ENTREP2: variants seen among roughly 807,000 people sequenced by gnomAD.
ENTREP2 encodes the protein endosomal transmembrane epsin interactor 2, also known as protein ENTREP2.
At chr15:29,532,860 G>C in the ENTREP2 span, among the ~76,000 whole-genome samples, 3 of 152,132 alleles carry the variant, frequency 2.0e-5, no homozygotes, top group South Asian at 6.2e-4. Flanking sequence ...AAATTTCAAT[G>C]GCATTTCACA....
At chr15:29,158,895 A>C in the ENTREP2 span, among the ~76,000 whole-genome samples, 74,347 of 151,960 alleles carry the variant, frequency 0.49, 19,293 homozygotes, top group East Asian at 0.69. Context: ...GCAAAGCTAC[A>C]GTTGATAAAT....
At chr15:29,538,320 G>A in the ENTREP2 span, among the ~76,000 whole-genome samples, 1,776 of 152,246 alleles carry the variant, frequency 0.012, 30 homozygotes, top group African/African-American at 0.041. Context: ...CAGCAGGGCT[G>A]GAGTTTTGCC....
At chr15:29,320,133 G>T in the ENTREP2 span, among the ~76,000 whole-genome samples, 13 of 152,138 alleles carry the variant, frequency 8.5e-5, no homozygotes, top group Non-Finnish European at 1.9e-4. Flanking sequence ...AGAAACGCTT[G>T]TTAAGGTGAT....
chr15:29,224,067 C>G, the ENTREP2 span, among the ~76,000 whole-genome samples: 1 of 152,200 alleles, frequency 6.6e-6, no homozygotes, highest in South Asian at 2.1e-4. Flanking sequence ...TGTTACAGTT[C>G]TTAAAGACAC....
At chr15:29,438,726 A>G in the ENTREP2 span, among the ~76,000 whole-genome samples, 1 of 152,100 alleles carries the variant, frequency 6.6e-6, no homozygotes, top group Non-Finnish European at 1.5e-5. Flanking sequence ...CAATCTTCAG[A>G]TTGCTTTTAG....
chr15:29,489,815 C>A, the ENTREP2 span, among the ~76,000 whole-genome samples: 1 of 152,192 alleles, frequency 6.6e-6, no homozygotes, highest in Non-Finnish European at 1.5e-5. Flanking sequence ...CTCAGCTACA[C>A]AACCACAGGC....
chr15:29,249,410 T>C, the ENTREP2 span, among the ~76,000 whole-genome samples: 54 of 152,320 alleles, frequency 3.5e-4, no homozygotes, highest in Non-Finnish European at 6.3e-4. Context: ...AATATATATG[T>C]ATACATACAT....
chr15:29,185,283 G>A, the ENTREP2 span, among the ~76,000 whole-genome samples: 3 of 151,988 alleles, frequency 2.0e-5, no homozygotes, highest in Non-Finnish European at 4.4e-5. Context: ...AGTGCCTATC[G>A]GTTTCGGAAT....
the ENTREP2 span, among the ~76,000 whole-genome samples, chr15:29,600,914 T>TTTTTTTTTTTTTTG: frequency 6.9e-6 from 1 of 144,190 alleles, no homozygotes; most frequent in Admixed American, 7.0e-5. Context: ...TTTTTTTTTT[T>TTTTTTTTTTTTTTG]TGAGACAGAG....
chr15:29,174,688 T>TAAACA, the ENTREP2 span, among the ~76,000 whole-genome samples: 4 of 108,780 alleles, frequency 3.7e-5, no homozygotes, highest in African/African-American at 9.9e-5. Flanking sequence ...AGACTCCAAC[T>TAAACA]AAACAAAACA....
At chr15:29,473,151 A>G in the ENTREP2 span, among the ~76,000 whole-genome samples, 14 of 152,074 alleles carry the variant, frequency 9.2e-5, no homozygotes, top group African/African-American at 2.2e-4. Flanking sequence ...CTTGGGAAAG[A>G]AGGAGGAGCA....
chr15:29,490,407 A>G, the ENTREP2 span, among the ~76,000 whole-genome samples: 16 of 152,218 alleles, frequency 1.1e-4, no homozygotes, highest in Admixed American at 9.8e-4. Context: ...GAACCCAAAC[A>G]GTTTGCGGCT....
the ENTREP2 span, among the ~76,000 whole-genome samples, chr15:29,619,209 G>A: frequency 9.9e-5 from 15 of 152,118 alleles, no homozygotes; most frequent in African/African-American, 3.4e-4. Context: ...TGGCTAACAC[G>A]GTGAAACCCC....
At chr15:29,191,547 A>G in the ENTREP2 span, among the ~76,000 whole-genome samples, 1,678 of 152,224 alleles carry the variant, frequency 0.011, 15 homozygotes, top group African/African-American at 0.023. Flanking sequence ...GGGAGTTGCC[A>G]AGACTCAAGA....
chr15:29,629,634 G>C, the ENTREP2 span, among the ~76,000 whole-genome samples: 1 of 152,028 alleles, frequency 6.6e-6, no homozygotes, highest in Non-Finnish European at 1.5e-5. Context: ...TATACACTGA[G>C]TACCATACCA....
chr15:29,404,458 C>T, the ENTREP2 span, among the ~76,000 whole-genome samples: 4 of 151,914 alleles, frequency 2.6e-5, no homozygotes, highest in East Asian at 1.9e-4. Context: ...AGTTCTGGGT[C>T]GCTGAGTCCC....
the ENTREP2 span, among the ~76,000 whole-genome samples, chr15:29,425,199 G>GT: frequency 0.29 from 38,360 of 133,004 alleles, 5,811 homozygotes; most frequent in East Asian, 0.59. Context: ...CAGGTTTTTT[G>GT]TTTTTTTTTT....
the ENTREP2 span, among the ~76,000 whole-genome samples, chr15:29,257,137 G>C: frequency 2.6e-5 from 4 of 151,194 alleles, no homozygotes; most frequent in Non-Finnish European, 4.4e-5. Flanking sequence ...GCAATGCAGC[G>C]ATCTCGACTC....
chr15:29,158,775 C>CTGATGTTATTAGCTTTT, the ENTREP2 span, among the ~76,000 whole-genome samples: 8 of 151,814 alleles, frequency 5.3e-5, no homozygotes, highest in East Asian at 5.8e-4. Context: ...ACTGGATATT[C>CTGATGTTATTAGCTTTT]TGATGTTATT....
Sources: allele counts gnomAD v4.1 joint callset (sites outside exome capture counted in the v4.1 genomes callset), GRCh38; gene constraint gnomAD v4.1.1; transcripts MANE v1.5; gene names NCBI Gene and HGNC (gene_info 2026-07-23, HGNC 2026-07-21).